Variants in CADM2 observed in about 807,000 individuals in gnomAD.
CADM2 encodes cell adhesion molecule 2.
A neutral mutation model predicts 49.8 loss-of-function variants in CADM2; 12 were observed. That is an observed-to-expected ratio of 0.24 (90% CI 0.15 to 0.39). The LOEUF (loss-of-function observed/expected upper bound fraction) is 0.39. CADM2 is among the 10% of genes least tolerant of loss of function. The pLI is 1.00. For missense variants in CADM2, 378 were observed against 492.3 expected, an observed-to-expected ratio of 0.77 and a Z score of 2.20; for synonymous variants, 214 against 175.4, an observed-to-expected ratio of 1.22 and a Z score of -1.74.
At chr3:85,034,100 C>G (rs1484212085) in intron 1 of CADM2, among the ~76,000 whole-genome samples, 8 of 152,084 alleles carry the variant, frequency 5.3e-5, no homozygotes. Flanking sequence ...AACTCAATTA[C>G]TTATCCTTCC....
chr3:85,596,403 A>T (rs920180533), intron 1 of CADM2, among the ~76,000 whole-genome samples: 1 of 152,124 alleles, frequency 6.6e-6, no homozygotes, highest in Admixed American at 6.6e-5. Context: ...TGTATTTAGA[A>T]GAAAAAAGTA....
chr3:85,854,570 G>A (rs1212727369), intron 3 of CADM2, among the ~76,000 whole-genome samples: 4 of 152,100 alleles, frequency 2.6e-5, no homozygotes, highest in African/African-American at 7.2e-5. Context: ...ATAAGTGGGA[G>A]TTGAACAAAG....
chr3:86,046,980 C>A (rs1343566467), intron 8 of CADM2, among the ~76,000 whole-genome samples: 1 of 151,496 alleles, frequency 6.6e-6, no homozygotes, highest in Non-Finnish European at 1.5e-5. Flanking sequence ...ATTCATTTAT[C>A]AAAATTTGGG....
chr3:85,784,801 AG>A, intron 2 of CADM2, among the ~76,000 whole-genome samples: 1 of 152,314 alleles, frequency 6.6e-6, no homozygotes, highest in East Asian at 1.9e-4. Flanking sequence ...CTGGTCTCAT[AG>A]GATGAGTTTG....
chr3:85,803,543 C>T (rs376513098), intron 3 of CADM2, among the ~76,000 whole-genome samples: 14 of 115,178 alleles, frequency 1.2e-4, no homozygotes, highest in Non-Finnish European at 2.3e-4. Flanking sequence ...ATCAATTGAT[C>T]GATATTTATT....
intron 1 of CADM2, among the ~76,000 whole-genome samples, chr3:85,194,377 C>T (rs1161672193): frequency 6.6e-6 from 1 of 151,954 alleles, no homozygotes; most frequent in Non-Finnish European, 1.5e-5. Flanking sequence ...AGGAGGGTGA[C>T]ATGATCATAA....
chr3:86,049,402 G>A (rs1276749803), intron 8 of CADM2, among the ~76,000 whole-genome samples: 3 of 151,660 alleles, frequency 2.0e-5, no homozygotes, highest in Admixed American at 1.3e-4. Context: ...AGCCTCCCGA[G>A]TAGCTGGGAC....
intron 1 of CADM2, among the ~76,000 whole-genome samples, chr3:85,666,849 A>G (rs1226938563): frequency 2.0e-5 from 3 of 151,892 alleles, no homozygotes; most frequent in African/African-American, 7.2e-5. Context: ...ATGCCAGGGT[A>G]TTTTGGGGTA....
chr3:85,865,746 G>T (rs1167923795), intron 3 of CADM2, among the ~76,000 whole-genome samples: 19 of 152,156 alleles, frequency 1.2e-4, no homozygotes, highest in Non-Finnish European at 4.4e-5. Context: ...AGCTGTGAGA[G>T]GGACGCAGAT....
At chr3:85,541,170 A>G (rs886621217) in intron 1 of CADM2, among the ~76,000 whole-genome samples, 2 of 150,990 alleles carry the variant, frequency 1.3e-5, no homozygotes, top group Non-Finnish European at 3.0e-5. Flanking sequence ...TATTTATTAT[A>G]TATACATGCG....
At chr3:85,049,111 G>A (rs1194222842) in intron 1 of CADM2, among the ~76,000 whole-genome samples, 4 of 152,062 alleles carry the variant, frequency 2.6e-5, no homozygotes. Context: ...GATTCATTCC[G>A]ATGAGGATAA....
At chr3:85,818,168 C>T (rs752736758) in intron 3 of CADM2, among the ~76,000 whole-genome samples, 11 of 151,822 alleles carry the variant, frequency 7.2e-5, no homozygotes, top group Non-Finnish European at 1.2e-4. Context: ...AACAACGAAA[C>T]GGAGATTTCT....
At chr3:85,757,774 A>C (rs2069191898) in intron 2 of CADM2, among the ~76,000 whole-genome samples, 1 of 152,142 alleles carries the variant, frequency 6.6e-6, no homozygotes, top group Admixed American at 6.6e-5. Flanking sequence ...GTGAGAGATG[A>C]TTGAGATACT....
intron 1 of CADM2, among the ~76,000 whole-genome samples, chr3:85,652,017 C>T (rs1019163834): frequency 7.7e-6 from 1 of 129,072 alleles, no homozygotes; most frequent in Non-Finnish European, 1.6e-5. Flanking sequence ...CGGGTTTTCA[C>T]CCTGTTAGCC....
chr3:85,434,834 A>T (rs1359474052), intron 1 of CADM2, among the ~76,000 whole-genome samples: 1 of 152,096 alleles, frequency 6.6e-6, no homozygotes, highest in African/African-American at 2.4e-5. Context: ...TGACCCGTTT[A>T]AAAGCTAAGT....
At chr3:85,839,238 C>G (rs886596496) in intron 3 of CADM2, among the ~76,000 whole-genome samples, 1 of 151,726 alleles carries the variant, frequency 6.6e-6, no homozygotes, top group African/African-American at 2.4e-5. Flanking sequence ...ATTTTTTTCC[C>G]TTGCTTTACT....
intron 1 of CADM2, among the ~76,000 whole-genome samples, chr3:85,060,695 T>C (rs1205663074): frequency 6.6e-6 from 1 of 152,184 alleles, no homozygotes; most frequent in African/African-American, 2.4e-5. Flanking sequence ...ATGTTCATTT[T>C]ATATTGGAAT....
At chr3:85,395,573 G>A (rs2034742563) in intron 1 of CADM2, among the ~76,000 whole-genome samples, 1 of 152,004 alleles carries the variant, frequency 6.6e-6, no homozygotes, top group Non-Finnish European at 1.5e-5. Context: ...GAAATTGTTT[G>A]CTACTCCAAA....
chr3:85,643,471 A>G (rs1281310143), intron 1 of CADM2, among the ~76,000 whole-genome samples: 1 of 152,190 alleles, frequency 6.6e-6, no homozygotes, highest in Non-Finnish European at 1.5e-5. Context: ...TCCAGAGATG[A>G]TTAGCTGCCA....
Sources: allele counts gnomAD v4.1 joint callset (sites outside exome capture counted in the v4.1 genomes callset), GRCh38; gene constraint gnomAD v4.1.1; transcripts MANE v1.5; gene names NCBI Gene and HGNC (gene_info 2026-07-23, HGNC 2026-07-21).